Variants in ESR1 observed in about 807,000 individuals in gnomAD.
ESR1 encodes the protein estrogen receptor.
In ESR1, 12 loss-of-function variants were observed where a neutral mutation model predicts 52.7. The observed-to-expected ratio is 0.23, with a 90% confidence interval of 0.15 to 0.37. ESR1 has a LOEUF of 0.37. Ranked by LOEUF, ESR1 falls within the 10% of genes least tolerant of loss-of-function variation. ESR1 has a pLI of 1.00. For synonymous variants in ESR1, 305 were observed against 316.8 expected (o/e 0.96, Z 0.39); for missense variants, 584 against 779.7 (o/e 0.75, Z 2.99).
At chr6:151,739,202 A>G (rs1220500037) in intron 2 of ESR1, among the ~76,000 whole-genome samples, 1 of 152,174 alleles carries the variant, frequency 6.6e-6, no homozygotes, top group Non-Finnish European at 1.5e-5. Context: ...TAGTCTTTAA[A>G]ATAGGGATAA....
intron 2 of ESR1, among the ~76,000 whole-genome samples, chr6:151,874,862 T>C (rs2128317376): frequency 6.6e-6 from 1 of 152,334 alleles, no homozygotes; most frequent in Non-Finnish European, 1.5e-5. Flanking sequence ...CTGCTAATCT[T>C]GTAGAGTTTA....
chr6:151,808,401 G>A, intron 1 of ESR1, 37 bp downstream of exon 1: 2 of 706,586 alleles, frequency 2.8e-6, no homozygotes, highest in East Asian at 5.7e-5. Context: ...GGTGGCCGCC[G>A]CGCCCGGCAG....
At chr6:151,919,440 A>G (rs1313549351) in intron 3 of ESR1, among the ~76,000 whole-genome samples, 1 of 152,194 alleles carries the variant, frequency 6.6e-6, no homozygotes, top group East Asian at 1.9e-4. Context: ...CAATTTTATT[A>G]CAATAGTGTT....
intron 2 of ESR1, among the ~76,000 whole-genome samples, chr6:151,869,445 C>T (rs1790557213): frequency 6.6e-6 from 1 of 152,164 alleles, no homozygotes; most frequent in Admixed American, 6.5e-5. Context: ...TTGATGAGCC[C>T]TGAGAAGCAT....
intron 4 of ESR1, among the ~76,000 whole-genome samples, chr6:151,977,963 GAA>G (rs5880951): frequency 0.3 from 35,835 of 118,812 alleles, 4,629 homozygotes; most frequent in Non-Finnish European, 0.38. Context: ...AAAAAAAAAA[GAA>G]AAAAAAAAAA....
In ESR1 at chr6:151,842,681, C is replaced by T. The variant is rs2128234452; in HGVS notation, c.537C>T (p.Ala179=). The change falls in exon 2 of 8, where the codon GCC becomes GCT. Residue 179 remains alanine (A), a synonymous_variant. Coordinates refer to ENST00000206249, the MANE Select transcript of ESR1 (RefSeq NM_000125.4). ...NDKGSMAMES[A]KETRYCAVCN... is the part of the protein sequence containing the mutation. Reference sequence around the variant, plus strand: ...AGGGAAGTATGGCTATGGAATCTGCCAAGGAGACTCGCTACTGTGCAGTGT... The same window carrying T: ...AGGGAAGTATGGCTATGGAATCTGCTAAGGAGACTCGCTACTGTGCAGTGT... The T allele has an allele frequency of 6.2e-7, 1 of 1,613,872 alleles. No individual in the cohort carries two copies. Among genetic ancestry groups the T allele is most frequent in the African/African-American group, 1.3e-5 (1 of 75,016 alleles).
At chr6:151,922,884 G>T (rs2128466057) in intron 3 of ESR1, among the ~76,000 whole-genome samples, 1 of 152,182 alleles carries the variant, frequency 6.6e-6, no homozygotes, top group Non-Finnish European at 1.5e-5. Flanking sequence ...TCTATCTTAG[G>T]CTAAACCTGA....
chr6:152,094,789 ATACTT>A lies in ESR1; in HGVS notation c.1553+222_1553+226del, dbSNP rs2050481195. 6.6e-6 allele frequency among the ~76,000 whole-genome samples: 1 copy of A among 152,236 alleles called. No individual in the cohort carries two copies. The highest frequency in any genetic ancestry group is 2.1e-4 in the South Asian group (1 of 4,830). ...TGTCAGAGAAGGCATAGAGGAAGCG[ATACTT>A]ACGCTTGGTTTAAAGCATGTGCTTT... is the stretch of plus-strand genomic sequence containing the variant. On this transcript the variant is annotated intron_variant, in intron 7 of 7. Coordinates refer to ENST00000206249, the MANE Select transcript of ESR1 (RefSeq NM_000125.4). The surrounding 1 kb of genome is among the most constrained non-coding windows in gnomAD (Gnocchi z 4.6).
At chr6:152,005,815 G>A (rs982584755) in intron 4 of ESR1, among the ~76,000 whole-genome samples, 4 of 152,032 alleles carry the variant, frequency 2.6e-5, no homozygotes, top group Non-Finnish European at 5.9e-5. Context: ...ATTCTGTTGG[G>A]AGATGGGTGG....
At chr6:151,825,910 CAAA>C (rs3996305) in intron 1 of ESR1, among the ~76,000 whole-genome samples, 42 of 78,118 alleles carry the variant, frequency 5.4e-4, no homozygotes, top group African/African-American at 1.8e-3. Context: ...GACTCCATCT[CAAA>C]AAAAAAAAAA....
At chr6:151,783,857 T>C (rs372213813) in intron 2 of ESR1, among the ~76,000 whole-genome samples, 26 of 152,312 alleles carry the variant, frequency 1.7e-4, no homozygotes, top group East Asian at 5.8e-4. Flanking sequence ...AGATTTTCCA[T>C]GTTTTTGATG....
chr6:152,018,983 A>G (rs553381338), intron 5 of ESR1, among the ~76,000 whole-genome samples: 16 of 152,312 alleles, frequency 1.1e-4, no homozygotes, highest in African/African-American at 3.8e-4. Flanking sequence ...CTGTGGATCC[A>G]TTGATTCTTT....
At chr6:152,125,432 T>C in exon 7 of ESR1, 1 of 1,472,568 alleles carries the variant, frequency 6.8e-7, no homozygotes, top group African/African-American at 1.4e-5. Context: ...TTGAGGCAGT[T>C]ACATGACCAT....
At chr6:151,703,388 G>A (rs1233893325) in intron 2 of ESR1, among the ~76,000 whole-genome samples, 1 of 151,800 alleles carries the variant, frequency 6.6e-6, no homozygotes, top group Admixed American at 6.5e-5. Flanking sequence ...GCAAGGGCAT[G>A]GCTGACTGCA....
At chr6:152,013,226 C>CCTTTG (rs1454707586) in intron 5 of ESR1, among the ~76,000 whole-genome samples, 3 of 151,952 alleles carry the variant, frequency 2.0e-5, no homozygotes, top group African/African-American at 7.3e-5. Flanking sequence ...CCTCTCTTTT[C>CCTTTG]CTTTGCTTTC....
intron 3 of ESR1, among the ~76,000 whole-genome samples, chr6:151,897,505 A>G (rs1367350171): frequency 1.3e-5 from 2 of 152,056 alleles, no homozygotes; most frequent in South Asian, 2.1e-4. Flanking sequence ...AGCTACTCCT[A>G]CTTGCTTTTG....
At chr6:152,092,631 G>A (rs530261239) in intron 6 of ESR1, among the ~76,000 whole-genome samples, 21 of 152,176 alleles carry the variant, frequency 1.4e-4, no homozygotes, top group Non-Finnish European at 2.4e-4. Context: ...TGACCAAAAA[G>A]TGTTACTATA....
At chr6:152,041,109 A>C (rs2045756927) in intron 5 of ESR1, among the ~76,000 whole-genome samples, 1 of 152,202 alleles carries the variant, frequency 6.6e-6, no homozygotes, top group Non-Finnish European at 1.5e-5. Context: ...GTTGTCTCTC[A>C]CAAGGAGAGT....
chr6:151,954,239 A>T (rs1330149158), intron 4 of ESR1, among the ~76,000 whole-genome samples: 5 of 152,246 alleles, frequency 3.3e-5, no homozygotes, highest in Admixed American at 2.0e-4. Context: ...TACTTCTCTT[A>T]GGAACATTCT....
Sources: allele counts gnomAD v4.1 joint callset (sites outside exome capture counted in the v4.1 genomes callset), GRCh38; gene constraint gnomAD v4.1.1; non-coding constraint Gnocchi (gnomAD v3.1); transcripts MANE v1.5; gene names NCBI Gene and HGNC (gene_info 2026-07-23, HGNC 2026-07-21).